ANK3: variants seen among roughly 807,000 people sequenced by gnomAD.
ANK3 encodes the protein ankyrin-3.
ANK3 carries 57 observed loss-of-function variants against 370.9 expected under a neutral mutation model. That is an observed-to-expected ratio of 0.15 (90% CI 0.12 to 0.19). The LOEUF is 0.19. ANK3 is among the 10% of genes least tolerant of loss of function. The pLI, the probability that ANK3 is intolerant of heterozygous loss-of-function variation, is 1.00. For missense variants in ANK3, 4,439 were observed against 5,302.1 expected, an observed-to-expected ratio of 0.84 and a Z score of 5.06; for synonymous variants, 1,929 against 1,946.3, an observed-to-expected ratio of 0.99 and a Z score of 0.23.
chr10:60,235,304 C>G (rs182637379), intron 7 of ANK3, among the ~76,000 whole-genome samples: 1 of 152,096 alleles, frequency 6.6e-6, no homozygotes, highest in South Asian at 2.1e-4. Flanking sequence ...ATCCCATGCC[C>G]GTGGTGCTTA....
intron 37 of ANK3, 28 bp downstream of exon 37, chr10:60,068,609 C>G: frequency 6.4e-7 from 1 of 1,569,114 alleles, no homozygotes; most frequent in Non-Finnish European, 8.6e-7. Context: ...GCAGAGTGCT[C>G]GAGAGACCTG....
At chr10:60,223,743 C>T (rs937694680) in intron 8 of ANK3, among the ~76,000 whole-genome samples, 24 of 152,094 alleles carry the variant, frequency 1.6e-4, no homozygotes, top group Admixed American at 1.0e-3. Flanking sequence ...GTAAAATTCT[C>T]GATAGAATAA....
At chr10:60,062,360 G>C (rs1030992957) in intron 40 of ANK3, 7 of 152,154 alleles carry the variant, frequency 4.6e-5, no homozygotes, top group African/African-American at 1.7e-4. Context: ...TATTTATTAT[G>C]TTTTTCTTAA....
chr10:60,574,358 G>T (rs1169186435), intron 2 of ANK3, among the ~76,000 whole-genome samples: 1 of 152,128 alleles, frequency 6.6e-6, no homozygotes, highest in East Asian at 1.9e-4. Context: ...TCTATTTGAG[G>T]TGTGCGCATT....
intron 2 of ANK3, among the ~76,000 whole-genome samples, chr10:60,474,391 A>G (rs767929103): frequency 2.0e-5 from 3 of 152,184 alleles, no homozygotes; most frequent in Non-Finnish European, 4.4e-5. Context: ...TCTTTAGATC[A>G]CTGAAGTCAC....
intron 30 of ANK3, 39 bp from the exon 31 acceptor site, chr10:60,085,292 G>T: frequency 1.3e-6 from 2 of 1,499,102 alleles, no homozygotes; most frequent in Non-Finnish European, 1.8e-6. Context: ...TTTATCATGG[G>T]AGATGCTCCT....
chr10:60,304,434 G>A (rs2044527783), intron 1 of ANK3, among the ~76,000 whole-genome samples: 1 of 152,036 alleles, frequency 6.6e-6, no homozygotes, highest in Non-Finnish European at 1.5e-5. Context: ...CCTGAGGCCA[G>A]GAGTTCAAGA....
intron 16 of ANK3, among the ~76,000 whole-genome samples, chr10:60,189,982 C>T (rs2096443571): frequency 6.6e-6 from 1 of 152,130 alleles, no homozygotes. Context: ...ACTATCTCTT[C>T]TACAATTAGT....
intron 38 of ANK3, among the ~76,000 whole-genome samples, chr10:60,066,968 G>A (rs756807042): frequency 2.6e-5 from 4 of 152,016 alleles, no homozygotes; most frequent in Non-Finnish European, 5.9e-5. Flanking sequence ...TACCCAGACT[G>A]GAGTGCAGTG....
At chr10:60,506,995 A>C (rs193096530) in intron 2 of ANK3, among the ~76,000 whole-genome samples, 7 of 152,244 alleles carry the variant, frequency 4.6e-5, no homozygotes, top group Admixed American at 4.6e-4. Flanking sequence ...ACCATTATAA[A>C]ATGGCATTTA....
chr10:60,571,963 C>A (rs2077610317), intron 2 of ANK3, among the ~76,000 whole-genome samples: 1 of 152,178 alleles, frequency 6.6e-6, no homozygotes, highest in African/African-American at 2.4e-5. Flanking sequence ...AACCTGAGAT[C>A]TGTCAGCCAT....
intron 7 of ANK3, among the ~76,000 whole-genome samples, chr10:60,246,836 G>C (rs778947952): frequency 2.0e-5 from 3 of 152,252 alleles, no homozygotes; most frequent in Non-Finnish European, 4.4e-5. Flanking sequence ...CATATTTAAA[G>C]ATTCCCACAC....
chr10:60,589,648 A>G (rs1266179936), intron 2 of ANK3, among the ~76,000 whole-genome samples: 4 of 152,220 alleles, frequency 2.6e-5, no homozygotes, highest in Admixed American at 6.5e-5. Flanking sequence ...TTCATTCCAT[A>G]GAAACAACAA....
rs572579262 is a variant in ANK3 at position 60,033,198 on chromosome 10, T to G, written c.*20-3372A>C. On this transcript the variant is annotated intron_variant, in intron 43 of 43. Coordinates refer to ENST00000280772, the MANE Select transcript of ANK3 (RefSeq NM_020987.5). ...ATTTCACTGTATTTTTAAGAAACAT[T>G]TTAAAATATACGAAAACAGGGCCAC... Among the ~76,000 whole-genome samples, 312 of 152,084 alleles carry G rather than the reference T, an allele frequency of 2.1e-3. 2 individuals are homozygous for G. Among genetic ancestry groups the G allele is most frequent in the South Asian group, 8.1e-3 (39 of 4,808 alleles).
chr10:60,085,077 T>C (rs892716183), intron 31 of ANK3, 80 bp downstream of exon 31: 2 of 1,199,496 alleles, frequency 1.7e-6, no homozygotes, highest in African/African-American at 1.5e-5. Context: ...TTTTTTAGTA[T>C]TGAACACAAC....
At chr10:60,659,942 C>T (rs2078914436) in intron 1 of ANK3, among the ~76,000 whole-genome samples, 2 of 152,086 alleles carry the variant, frequency 1.3e-5, no homozygotes, top group Admixed American at 6.6e-5. Context: ...TTTGTTTCTA[C>T]TCTACTAATA....
At chr10:60,587,333 T>C (rs535502007) in intron 2 of ANK3, among the ~76,000 whole-genome samples, 4 of 152,282 alleles carry the variant, frequency 2.6e-5, no homozygotes, top group South Asian at 2.1e-4. Context: ...TAGGTGAAGA[T>C]AAACTTGAAT....
chr10:60,181,347 A>T lies in ANK3; in HGVS notation c.2166T>A (p.His722Gln). The T allele has an allele frequency of 6.2e-7, 1 of 1,614,180 alleles. No individual in the cohort carries two copies. Residue 722 changes from histidine to glutamine, a missense_variant, in exon 18 of 44, where the codon CAT (histidine) becomes CAA (glutamine). His to Gln is a conservative substitution (Grantham distance 24). Transcript: ENST00000280772. ...VAEVLVNQGA[H>Q]VDAQTKMGYT... Reference sequence around the variant, plus strand: ...CGTATACCTTTGTCTGGGCGTCCACATGAGCCCCTTGGTTTACGAGGACTT... The same window carrying T: ...CGTATACCTTTGTCTGGGCGTCCACTTGAGCCCCTTGGTTTACGAGGACTT...
At chr10:60,132,763 C>G (rs2094152123) in intron 25 of ANK3, among the ~76,000 whole-genome samples, 3 of 151,892 alleles carry the variant, frequency 2.0e-5, no homozygotes, top group Non-Finnish European at 4.4e-5. Flanking sequence ...ATTACAGATG[C>G]CCACCACGAC....
Sources: gnomAD v4.1 joint callset for allele counts (sites outside exome capture counted in the v4.1 genomes callset) on GRCh38, gnomAD v4.1.1 for gene constraint, MANE v1.5 for transcripts, NCBI Gene and HGNC (gene_info 2026-07-23, HGNC 2026-07-21) for gene names.